CTNND2: variants seen among roughly 807,000 people sequenced by gnomAD.
CTNND2 encodes catenin delta-2.
CTNND2 carries 22 observed loss-of-function variants against 144.4 expected under a neutral mutation model. The observed-to-expected ratio is 0.15, with a 90% CI of 0.11 to 0.22. The LOEUF is 0.22. CTNND2 is among the 10% of genes least tolerant of loss of function. The pLI, the probability that CTNND2 is intolerant of heterozygous loss-of-function variation, is 1.00. For missense variants in CTNND2, 1,353 were observed against 1,618.8 expected (o/e 0.84, Z 2.82); for synonymous variants, 751 against 695.6 (o/e 1.08, Z -1.25).
At chr5:11,837,822 T>C (rs1794260453) in intron 1 of CTNND2, among the ~76,000 whole-genome samples, 1 of 152,128 alleles carries the variant, frequency 6.6e-6, no homozygotes, top group Non-Finnish European at 1.5e-5. Context: ...CAAGTTTGGG[T>C]CACTAATATC....
At chr5:11,631,913 A>G (rs1781436166) in intron 2 of CTNND2, among the ~76,000 whole-genome samples, 1 of 152,128 alleles carries the variant, frequency 6.6e-6, no homozygotes, top group Non-Finnish European at 1.5e-5. Flanking sequence ...CCACCTCCAG[A>G]GAAGTGGTAT....
At chr5:11,259,906 G>C (rs752800677) in intron 9 of CTNND2, among the ~76,000 whole-genome samples, 1 of 152,172 alleles carries the variant, frequency 6.6e-6, no homozygotes, top group Non-Finnish European at 1.5e-5. Flanking sequence ...CATCTGCTGT[G>C]CTTTTTCACT....
chr5:11,013,826 C>T (rs571909938), intron 18 of CTNND2, among the ~76,000 whole-genome samples: 9 of 152,234 alleles, frequency 5.9e-5, no homozygotes, highest in East Asian at 3.9e-4. Flanking sequence ...GGGGCTGTGG[C>T]GATGGGACTG....
intron 2 of CTNND2, among the ~76,000 whole-genome samples, chr5:11,650,201 A>T (rs1303062560): frequency 6.6e-6 from 1 of 152,084 alleles, no homozygotes; most frequent in African/African-American, 2.4e-5. Context: ...CTGGTTGTTT[A>T]AAAGTGTGCA....
chr5:11,719,726 C>G (rs546206610), intron 2 of CTNND2, among the ~76,000 whole-genome samples: 24 of 152,112 alleles, frequency 1.6e-4, no homozygotes, highest in African/African-American at 5.5e-4. Context: ...TAAATCTTCA[C>G]TCTAATTTAA....
intron 3 of CTNND2, among the ~76,000 whole-genome samples, chr5:11,514,008 G>A (rs576053973): frequency 6.5e-4 from 99 of 151,944 alleles, no homozygotes; most frequent in Non-Finnish European, 1.1e-3. Context: ...GGGAGACTTC[G>A]TCTCTACAAA....
chr5:11,733,632 T>A (rs1787517746), intron 1 of CTNND2, among the ~76,000 whole-genome samples: 1 of 152,192 alleles, frequency 6.6e-6, no homozygotes, highest in South Asian at 2.1e-4. Flanking sequence ...TTAGTTAGTA[T>A]TGTGAAATAC....
In CTNND2 at chr5:11,810,253, T is replaced by C. The variant is rs572622828; in HGVS notation, c.38-77981A>G. ...ATCTGAGCTACCACGTTAAGTTAAA[T>C]TGCTAAGATTATGACGTAAGCTTTA... On this transcript the variant is annotated intron_variant, in intron 1 of 21. Coordinates refer to ENST00000304623, the MANE Select transcript of CTNND2 (RefSeq NM_001332.4). Among the ~76,000 whole-genome samples the C allele has an allele frequency of 9.9e-5, 15 of 152,268 alleles. 1 individual carries two copies. The highest frequency in any genetic ancestry group is 3.4e-4 in the African/African-American group (14 of 41,578).
intron 3 of CTNND2, among the ~76,000 whole-genome samples, chr5:11,487,867 G>A (rs538464705): frequency 6.6e-6 from 1 of 152,228 alleles, no homozygotes; most frequent in African/African-American, 2.4e-5. Flanking sequence ...AAAGACTACG[G>A]ATCAGTGGCT....
intron 16 of CTNND2, among the ~76,000 whole-genome samples, chr5:11,043,966 T>A (rs535972676): frequency 2.0e-5 from 3 of 152,204 alleles, no homozygotes; most frequent in Non-Finnish European, 4.4e-5. Flanking sequence ...TATCTATTTG[T>A]CTCCCTCACT....
At chr5:11,364,958 A>G (rs1756825660) in intron 7 of CTNND2, 68 bp from the exon 8 acceptor site, 1 of 1,380,692 alleles carries the variant, frequency 7.2e-7, no homozygotes, top group Non-Finnish European at 9.9e-7. Flanking sequence ...TTAATCAAAG[A>G]CATATTCAAA....
chr5:11,410,047 C>T (rs1581134784), intron 5 of CTNND2, among the ~76,000 whole-genome samples: 1 of 152,078 alleles, frequency 6.6e-6, no homozygotes, highest in East Asian at 1.9e-4. Context: ...ATCATCTCCC[C>T]GTTTCCCAAC....
chr5:11,066,689 C>T (rs76746134), intron 16 of CTNND2, among the ~76,000 whole-genome samples: 3 of 152,160 alleles, frequency 2.0e-5, no homozygotes, highest in Non-Finnish European at 4.4e-5. Flanking sequence ...AAATATTCTG[C>T]AGAGTTTGAC....
At chr5:11,721,292 T>G (rs922543093) in intron 2 of CTNND2, among the ~76,000 whole-genome samples, 4 of 152,290 alleles carry the variant, frequency 2.6e-5, no homozygotes, top group Non-Finnish European at 5.9e-5. Flanking sequence ...AGTATAATAG[T>G]GGTTTCCTGG....
intron 11 of CTNND2, among the ~76,000 whole-genome samples, chr5:11,173,648 C>T (rs1760170256): frequency 6.6e-6 from 1 of 152,148 alleles, no homozygotes; most frequent in South Asian, 2.1e-4. Context: ...TATAATGTTT[C>T]ATTCCTTCTT....
chr5:11,699,868 G>GT (rs1785345034), intron 2 of CTNND2, among the ~76,000 whole-genome samples: 1 of 152,230 alleles, frequency 6.6e-6, no homozygotes, highest in Non-Finnish European at 1.5e-5. Context: ...GTGCCAGGGT[G>GT]TAAATTCAAT....
chr5:11,598,633 G>A (rs1334684046), intron 2 of CTNND2, among the ~76,000 whole-genome samples: 2 of 152,148 alleles, frequency 1.3e-5, no homozygotes, highest in African/African-American at 4.8e-5. Context: ...AGGAGGAAGT[G>A]TCTATTTCTT....
intron 21 of CTNND2, among the ~76,000 whole-genome samples, chr5:10,979,655 T>C (rs571402203): frequency 9.2e-5 from 14 of 152,106 alleles, no homozygotes; most frequent in Non-Finnish European, 1.5e-4. Context: ...CACACACATA[T>C]ACTCTCTCTC....
rs1269449721 is a variant in CTNND2, at chr5:11,384,638, T to A, written c.1177+27A>T. Reference sequence around the variant, plus strand: ...CGTCCCCGCCACGCGCCCAGGTGAGTCGCGCCAGGTGGCAGCGAGCCTTTA... The same window carrying A: ...CGTCCCCGCCACGCGCCCAGGTGAGACGCGCCAGGTGGCAGCGAGCCTTTA... On this transcript the variant is annotated intron_variant, in intron 7 of 21. Coordinates refer to ENST00000304623, the MANE Select transcript of CTNND2 (RefSeq NM_001332.4). This position sits in a 1 kb window ranked among gnomAD's most constrained non-coding sequence, Gnocchi z 5.2. 13 of 1,578,702 alleles carry A rather than the reference T, an allele frequency of 8.2e-6. No homozygotes were observed. In the East Asian group the frequency reaches 3.0e-4, roughly 36 times the overall value.
Sources: gnomAD v4.1 joint callset for allele counts (sites outside exome capture counted in the v4.1 genomes callset) on GRCh38, gnomAD v4.1.1 for gene constraint, Gnocchi (gnomAD v3.1) non-coding constraint, MANE v1.5 for transcripts, NCBI Gene and HGNC (gene_info 2026-07-23, HGNC 2026-07-21) for gene names.